Variants in WWOX observed in about 807,000 individuals in gnomAD.
The protein encoded by WWOX is WW domain containing oxidoreductase.
A neutral mutation model predicts 46.2 loss-of-function variants in WWOX; 69 were observed. The observed-to-expected ratio is 1.49, with a 90% CI of 1.23 to 1.82. The LOEUF is 1.82. Among genes scored for constraint, WWOX ranks in the 40% most tolerant of loss-of-function variants. WWOX has a pLI of 0.00. For synonymous variants in WWOX, 359 were observed against 202.6 expected (o/e 1.77, Z -6.56); for missense variants, 919 against 542.6 (o/e 1.69, Z -6.89).
rs545640479 is a variant in WWOX, at chr16:78,693,439, T to G, written c.1056+260687T>G. On this transcript the variant is annotated intron_variant, in intron 8 of 8. Coordinates refer to ENST00000566780, the MANE Select transcript of WWOX (RefSeq NM_016373.4). Reference sequence around the variant, plus strand: ...TCTGTCAGCCACCCTATATGCCTATTTAGTCCCAGTTTTCCAGCTTCTATT... The same window carrying G: ...TCTGTCAGCCACCCTATATGCCTATGTAGTCCCAGTTTTCCAGCTTCTATT... Among the ~76,000 whole-genome samples, 9 of 152,326 alleles carry G rather than the reference T, an allele frequency of 5.9e-5. No homozygotes were observed. The South Asian group carries it at 1.7e-3, about 28-fold the overall frequency.
At chr16:78,858,336 G>GTGTGTGTGTGTGTGTATGTATATA (rs2052617577) in intron 8 of WWOX, among the ~76,000 whole-genome samples, 1 of 151,680 alleles carries the variant, frequency 6.6e-6, no homozygotes, top group Non-Finnish European at 1.5e-5. Flanking sequence ...ATATATGTGT[G>GTGTGTGTGTGTGTGTATGTATATA]TGTGTGTGTG....
Position 78,215,882 on chromosome 16 carries a change from T to A in WWOX, c.516+51593T>A, listed in dbSNP as rs149484677. Among the ~76,000 whole-genome samples, 417 of 151,002 alleles carry A rather than the reference T, an allele frequency of 2.8e-3. 2 individuals carry two copies. Among genetic ancestry groups the A allele is most frequent in the African/African-American group, 9.9e-3 (405 of 40,982 alleles). The stretch of plus-strand genomic sequence containing the variant: ...TGGAGGTTTCAGTGAGCCGAGATCA[T>A]GCCACTGCACTCTAGCCTGGGTGAT... On this transcript the variant is annotated intron_variant, in intron 5 of 8. Coordinates refer to ENST00000566780, the MANE Select transcript of WWOX (RefSeq NM_016373.4).
At chr16:78,735,385 C>CACACAAA (rs1567524748) in intron 8 of WWOX, among the ~76,000 whole-genome samples, 41 of 103,914 alleles carry the variant, frequency 3.9e-4, no homozygotes, top group Non-Finnish European at 7.2e-4. Flanking sequence ...GTCATACACA[C>CACACAAA]CACACACAAA....
chr16:78,516,284 A>G (rs765163543), intron 8 of WWOX, among the ~76,000 whole-genome samples: 1 of 152,038 alleles, frequency 6.6e-6, no homozygotes, highest in African/African-American at 2.4e-5. Context: ...CTTTTACAAG[A>G]ACACTGTCCT....
intron 8 of WWOX, among the ~76,000 whole-genome samples, chr16:78,560,008 G>C (rs987597763): frequency 6.6e-6 from 1 of 152,312 alleles, no homozygotes; most frequent in South Asian, 2.1e-4. Flanking sequence ...TATTGCTTCA[G>C]AGAAATTAGT....
Position 78,172,347 on chromosome 16 carries a change from C to G in WWOX, c.516+8058C>G, listed in dbSNP as rs965200487. 2.0e-5 allele frequency among the ~76,000 whole-genome samples: 3 copies of G among 152,126 alleles called. No individual in the cohort carries two copies. In the East Asian group the frequency reaches 5.8e-4, roughly 29 times the overall value. ...GTATTTACTGTTCTACTTCAGTTGC[C>G]TATTTGACCTTTCTTGTCACAGGCT... is the stretch of plus-strand genomic sequence containing the variant. On this transcript the variant is annotated intron_variant, in intron 5 of 8. Coordinates refer to ENST00000566780, the MANE Select transcript of WWOX (RefSeq NM_016373.4).
chr16:78,404,924 T>C (rs1338038146), intron 6 of WWOX, among the ~76,000 whole-genome samples: 1 of 152,178 alleles, frequency 6.6e-6, no homozygotes, highest in South Asian at 2.1e-4. Context: ...ATGTCAGATA[T>C]CATGCCCATT....
At chr16:78,785,282 G>C (rs565965483) in intron 8 of WWOX, among the ~76,000 whole-genome samples, 66 of 152,300 alleles carry the variant, frequency 4.3e-4, no homozygotes, top group Non-Finnish European at 7.2e-4. Flanking sequence ...GCAACCTTTG[G>C]CTGCAGAAAT....
At chr16:78,806,669 A>G (rs567581661) in intron 8 of WWOX, among the ~76,000 whole-genome samples, 2 of 152,228 alleles carry the variant, frequency 1.3e-5, no homozygotes, top group South Asian at 2.1e-4. Flanking sequence ...AACCAAGCAG[A>G]TGCTGCATTG....
chr16:78,622,857 G>C lies in WWOX; in HGVS notation c.1056+190105G>C, dbSNP rs1049128012. On this transcript the variant is annotated intron_variant, in intron 8 of 8. Transcript: ENST00000566780. Reference sequence around the variant, plus strand: ...GATCCTCCTGGGTGGGCCTGACTTAGTAAGGGGAAAATCCCTTAAAGAGGA... The same window carrying C: ...GATCCTCCTGGGTGGGCCTGACTTACTAAGGGGAAAATCCCTTAAAGAGGA... Among the ~76,000 whole-genome samples, 3 of 152,296 alleles carry C rather than the reference G, an allele frequency of 2.0e-5. No individual in the cohort carries two copies. In the South Asian group the frequency reaches 6.2e-4, roughly 32 times the overall value.
At chr16:79,010,379 C>G (rs943575236) in intron 8 of WWOX, among the ~76,000 whole-genome samples, 2 of 152,104 alleles carry the variant, frequency 1.3e-5, no homozygotes, top group African/African-American at 2.4e-5. Flanking sequence ...AGAGACAGAT[C>G]TGGAACCCCA....
chr16:78,546,112 A>G (rs2044025248), intron 8 of WWOX, among the ~76,000 whole-genome samples: 1 of 152,208 alleles, frequency 6.6e-6, no homozygotes, highest in Non-Finnish European at 1.5e-5. Context: ...TTTTTATGGA[A>G]GAAGAAAGAC....
At chr16:78,199,928 A>G (rs2036181058) in intron 5 of WWOX, among the ~76,000 whole-genome samples, 1 of 152,204 alleles carries the variant, frequency 6.6e-6, no homozygotes, top group Non-Finnish European at 1.5e-5. Context: ...AATGTATGCA[A>G]GAAGAGCCAT....
chr16:78,141,091 C>A (rs1372622386), intron 4 of WWOX, among the ~76,000 whole-genome samples: 1 of 152,106 alleles, frequency 6.6e-6, no homozygotes, highest in East Asian at 1.9e-4. Flanking sequence ...CATTAGGAAC[C>A]AAGGGGGGAT....
At chr16:78,129,882 T>C (rs1259476434) in intron 4 of WWOX, among the ~76,000 whole-genome samples, 2 of 152,162 alleles carry the variant, frequency 1.3e-5, no homozygotes, top group African/African-American at 4.8e-5. Context: ...TATTTGGACA[T>C]GGTTGTGTCC....
chr16:78,478,139 G>C (rs1018765353), intron 8 of WWOX, among the ~76,000 whole-genome samples: 5 of 152,104 alleles, frequency 3.3e-5, no homozygotes, highest in Admixed American at 3.3e-4. Flanking sequence ...AACACAGCAA[G>C]GTATGTACGG....
At chr16:78,993,901 G>A (rs1213171322) in intron 8 of WWOX, among the ~76,000 whole-genome samples, 2 of 152,152 alleles carry the variant, frequency 1.3e-5, no homozygotes, top group African/African-American at 4.8e-5. Flanking sequence ...TTGGGTGCAG[G>A]CATTATTTCC....
chr16:79,198,270 G>A (rs1052171600), intron 8 of WWOX, among the ~76,000 whole-genome samples: 15 of 152,162 alleles, frequency 9.9e-5, no homozygotes, highest in African/African-American at 1.9e-4. Context: ...CCTGGGAGGC[G>A]GAGGTTGATG....
intron 5 of WWOX, among the ~76,000 whole-genome samples, chr16:78,277,378 T>A (rs1339464377): frequency 6.6e-6 from 1 of 152,198 alleles, no homozygotes; most frequent in African/African-American, 2.4e-5. Context: ...TAGCATTCTC[T>A]CCTTGAGGGA....
Sources: allele counts gnomAD v4.1 joint callset (sites outside exome capture counted in the v4.1 genomes callset), GRCh38; gene constraint gnomAD v4.1.1; transcripts MANE v1.5; gene names NCBI Gene and HGNC (gene_info 2026-07-23, HGNC 2026-07-21).